The following UBFD1 variants were observed in gnomAD, a reference collection of about 807,000 sequenced individuals.
UBFD1 encodes ubiquitin domain-containing protein UBFD1.
Under a neutral mutation model 35.1 loss-of-function variants are expected in UBFD1, and 12 were observed. The ratio of observed to expected loss-of-function variants is 0.34; its 90% CI spans 0.22 to 0.55. The LOEUF (loss-of-function observed/expected upper bound fraction) is 0.55. Among genes scored for constraint, UBFD1 ranks in the 20% least tolerant of loss-of-function variants. The pLI is 0.89. For synonymous variants in UBFD1, 178 were observed against 167.6 expected, an observed-to-expected ratio of 1.06 and a Z score of -0.48; for missense variants, 337 against 410.8, an observed-to-expected ratio of 0.82 and a Z score of 1.55.
intron 2 of UBFD1, 119 bp downstream of exon 2, chr16:23,558,398 T>G: frequency 7.9e-7 from 1 of 1,262,540 alleles, no homozygotes; most frequent in Non-Finnish European, 1.1e-6. Context: ...ACAGCAGTCT[T>G]CTGAAGGATA....
In UBFD1 at chr16:23,572,729, T is replaced by C. The variant is rs978294998; in HGVS notation, c.*2139T>C. 3.3e-5 allele frequency: 5 copies of C among 153,670 alleles called. No individual in the cohort carries two copies. The highest frequency in any genetic ancestry group is 2.1e-4 in the South Asian group (1 of 4,838). 9.5% of individuals were successfully genotyped at this position (153,670 alleles called of 1,614,324 possible). ...GTGTCATTTCAGGAGGACCAAAGCC[T>C]GCGTGAGCCTTTTTATTTTCAGTAA... On this transcript the variant is annotated 3_prime_UTR_variant, in exon 7 of 7. Coordinates refer to ENST00000395878, the MANE Select transcript of UBFD1 (RefSeq NM_019116.3).
At chr16:23,567,547 G>A (rs1384256266) in intron 6 of UBFD1, among the ~76,000 whole-genome samples, 3 of 152,182 alleles carry the variant, frequency 2.0e-5, no homozygotes, top group Non-Finnish European at 2.9e-5. Flanking sequence ...TGGGGAAGAC[G>A]GGCTCTGTGG....
intron 5 of UBFD1, 81 bp downstream of exon 5, chr16:23,562,811 AC>A: frequency 8.2e-7 from 1 of 1,226,544 alleles, no homozygotes; most frequent in Non-Finnish European, 1.2e-6. Flanking sequence ...GTGCGATTTC[AC>A]CCCTCCTTCT....
chr16:23,559,204 T>C (rs1172306361), intron 2 of UBFD1: 3 of 333,348 alleles, frequency 9.0e-6, no homozygotes, highest in Non-Finnish European at 1.7e-5. Flanking sequence ...TACTGAACAA[T>C]TATTCAATGC....
At chr16:23,563,594 T>A (rs1166180629) in intron 5 of UBFD1, among the ~76,000 whole-genome samples, 1 of 152,232 alleles carries the variant, frequency 6.6e-6, no homozygotes, top group Non-Finnish European at 1.5e-5. Flanking sequence ...TGTTTTCTTC[T>A]GTCCTGTCCA....
chr16:23,561,838 TTTG>T, intron 3 of UBFD1: 2 of 177,306 alleles, frequency 1.1e-5, no homozygotes, highest in Non-Finnish European at 2.3e-5. Context: ...TTTTTTTTTT[TTTG>T]AGGGGAGGAG....
At chr16:23,569,057 G>T (rs890046787) in intron 6 of UBFD1, 1 of 152,142 alleles carries the variant, frequency 6.6e-6, no homozygotes, top group African/African-American at 2.4e-5. Context: ...TCATTGAAAT[G>T]TTCATTTCTC....
At chr16:23,567,742 A>T (rs1966030513) in intron 6 of UBFD1, among the ~76,000 whole-genome samples, 1 of 152,274 alleles carries the variant, frequency 6.6e-6, no homozygotes, top group Non-Finnish European at 1.5e-5. Flanking sequence ...ATTGACCACG[A>T]AGTTGATTCT....
Position 23,562,493 on chromosome 16 carries a change from C to G in UBFD1, c.631-132C>G, listed in dbSNP as rs537596276. On this transcript the variant is annotated intron_variant, in intron 4 of 6. Transcript: ENST00000395878. ...ATGTTGCCCAGGCTAGTCTCCAACT[C>G]CTGACCTCAGGTGATCTGACCGCTT... The G allele has an allele frequency of 1.4e-5, 12 of 865,178 alleles. No homozygotes were observed. In the South Asian group the frequency reaches 2.1e-4, roughly 15 times the overall value. The allele number at this position is 865,178 out of a possible 1,614,324, so 53.6% of individuals were successfully genotyped here. A position where few individuals can be genotyped will look rare whatever the true frequency, so the allele number is the denominator to read the frequency against.
Position 23,574,221 on chromosome 16 carries a change from G to C in UBFD1, c.*3631G>C, listed in dbSNP as rs373382155. The C allele has an allele frequency of 9.8e-5, 15 of 152,596 alleles. No individual in the cohort carries two copies. Among genetic ancestry groups the C allele is most frequent in the African/African-American group, 3.6e-4 (15 of 41,518 alleles). 9.5% of individuals were successfully genotyped at this position (152,596 alleles called of 1,614,324 possible). On this transcript the variant is annotated 3_prime_UTR_variant, in exon 7 of 7. Coordinates refer to ENST00000395878, the MANE Select transcript of UBFD1 (RefSeq NM_019116.3). Reference sequence around the variant, plus strand: ...AGTACCATGTTTCCTTGTGGTGTATGCTCTGTTCTGGTTTCTGTTTTCAAA... The same window carrying C: ...AGTACCATGTTTCCTTGTGGTGTATCCTCTGTTCTGGTTTCTGTTTTCAAA...
rs980074686 is a variant in UBFD1, at chr16:23,570,627, A to G, written c.*37A>G. ...CCTCTGGCCCAGGAGACTGACCCAAAGTGAAGGACATTGCCGGGAGAGGCC... is the reference window on the plus strand; with the variant it reads ...CCTCTGGCCCAGGAGACTGACCCAAGGTGAAGGACATTGCCGGGAGAGGCC... On this transcript the variant is annotated 3_prime_UTR_variant, in exon 7 of 7. Transcript: ENST00000395878. 8 of 1,551,484 alleles carry G rather than the reference A, an allele frequency of 5.2e-6. No homozygotes were observed. Among genetic ancestry groups the G allele is most frequent in the Non-Finnish European group, 6.2e-6 (7 of 1,124,016 alleles).
rs1291816746 is a variant in UBFD1, at chr16:23,571,414, G to A, written c.*824G>A. ...TCTCCAAGGAGTTCCATTGCTGGTT[G>A]GATGATTGTCTGCACCCCTCACTGA... On this transcript the variant is annotated 3_prime_UTR_variant, in exon 7 of 7. Coordinates refer to ENST00000395878, the MANE Select transcript of UBFD1 (RefSeq NM_019116.3). 6.6e-6 allele frequency: 1 copy of A among 152,412 alleles called. No individual in the cohort carries two copies. The highest frequency in any genetic ancestry group is 2.4e-5 in the African/African-American group (1 of 41,462). The allele number at this position is 152,412 out of a possible 1,614,324, so 9.4% of individuals were successfully genotyped here. A position where few individuals can be genotyped will look rare whatever the true frequency, so the allele number is the denominator to read the frequency against.
chr16:23,562,848 G>C (rs570258635), intron 5 of UBFD1, 118 bp downstream of exon 5: 1 of 876,026 alleles, frequency 1.1e-6, no homozygotes, highest in African/African-American at 1.7e-5. Context: ...ACTGTGCTTT[G>C]CTTGCTTCTG....
chr16:23,559,777 A>T (rs777194134), intron 3 of UBFD1, 101 bp downstream of exon 3: 2 of 1,422,188 alleles, frequency 1.4e-6, no homozygotes, highest in African/African-American at 1.4e-5. Flanking sequence ...CTTTTTGGAC[A>T]GGGCCCATGA....
chr16:23,559,821 G>C (rs1965903178), intron 3 of UBFD1, 145 bp downstream of exon 3: 1 of 1,542,270 alleles, frequency 6.5e-7, no homozygotes. Flanking sequence ...GTGCCGCAGA[G>C]TGGAGGTGAC....
intron 3 of UBFD1, among the ~76,000 whole-genome samples, chr16:23,560,629 G>A (rs991976780): frequency 1.3e-5 from 2 of 152,114 alleles, no homozygotes; most frequent in Non-Finnish European, 2.9e-5. Context: ...AAATTTAACA[G>A]CAAAACCTGA....
At chr16:23,567,284 A>G (rs1966024736) in intron 6 of UBFD1, among the ~76,000 whole-genome samples, 1 of 152,104 alleles carries the variant, frequency 6.6e-6, no homozygotes, top group Admixed American at 6.6e-5. Flanking sequence ...CACACCTTCC[A>G]TCAGTTTAAA....
chr16:23,565,715 C>T (rs1039576910), intron 5 of UBFD1: 1 of 152,154 alleles, frequency 6.6e-6, no homozygotes, highest in African/African-American at 2.4e-5. Context: ...CCAGCTAGAC[C>T]AGAACGCTGG....
chr16:23,566,859 G>A (rs1966018451), intron 5 of UBFD1, 128 bp from the exon 6 acceptor site: 1 of 827,874 alleles, frequency 1.2e-6, no homozygotes. Flanking sequence ...GTCCCCAGAG[G>A]GCATGGCGCC....
Sources: gnomAD v4.1 joint callset for allele counts (sites outside exome capture counted in the v4.1 genomes callset) on GRCh38, gnomAD v4.1.1 for gene constraint, MANE v1.5 for transcripts, NCBI Gene and HGNC (gene_info 2026-07-23, HGNC 2026-07-21) for gene names.